Variants in B3GALT1 observed in about 807,000 individuals in gnomAD.
The protein encoded by B3GALT1 is UDP-Gal:betaGlcNAc beta 1,3-galactosyltransferase, polypeptide 1.
In B3GALT1, 10 loss-of-function variants were observed where a neutral mutation model predicts 23.2. The observed-to-expected ratio is 0.43, with a 90% CI of 0.27 to 0.73. B3GALT1 has a LOEUF of 0.73. Ranked by LOEUF, B3GALT1 falls within the 30% of genes least tolerant of loss-of-function variation. The pLI, the probability that B3GALT1 is intolerant of heterozygous loss-of-function variation, is 0.21. For missense variants in B3GALT1, 299 were observed against 405.4 expected (o/e 0.74, Z 2.25); for synonymous variants, 156 against 141.5 (o/e 1.10, Z -0.73).
chr2:167,799,205 T>C (rs1481411700), intron 3 of B3GALT1, among the ~76,000 whole-genome samples: 1 of 152,206 alleles, frequency 6.6e-6, no homozygotes, highest in Non-Finnish European at 1.5e-5. Flanking sequence ...TGTATTTCAA[T>C]AGCTTTAGGG....
chr2:167,869,124 ACTT>A lies in B3GALT1; in HGVS notation c.92_94del (p.Ser31del), dbSNP rs752133140. 30 of 1,613,998 alleles carry A rather than the reference ACTT, an allele frequency of 1.9e-5. No individual in the cohort carries two copies. Among genetic ancestry groups the A allele is most frequent in the Non-Finnish European group, 2.3e-5 (27 of 1,180,040 alleles). On this transcript the variant is annotated inframe_deletion, in exon 5 of 5. Transcript: ENST00000392690. The surrounding 1 kb of genome is among the most constrained non-coding windows in gnomAD (Gnocchi z 6.4). ...CTGGTACTTGAGTATAACTCGCCCT[ACTT>A]CTTCTTACACTGGCTCCAAACCATT... is the stretch of plus-strand genomic sequence containing the variant.
intron 1 of B3GALT1, among the ~76,000 whole-genome samples, chr2:167,479,393 A>C (rs539007028): frequency 1.3e-5 from 2 of 152,324 alleles, no homozygotes; most frequent in East Asian, 3.9e-4. Context: ...TAGGGACCCC[A>C]CAGAACAATC....
intron 3 of B3GALT1, among the ~76,000 whole-genome samples, chr2:167,685,350 C>T (rs944999888): frequency 1.3e-5 from 2 of 152,164 alleles, no homozygotes; most frequent in Non-Finnish European, 2.9e-5. Context: ...ACCTCAGCCT[C>T]CTGAGGAGCT....
chr2:167,817,849 T>C (rs1003592854), intron 3 of B3GALT1, among the ~76,000 whole-genome samples: 4 of 152,218 alleles, frequency 2.6e-5, no homozygotes, highest in Admixed American at 1.3e-4. Context: ...ATCTGATCAA[T>C]AGAAGGCAGG....
At chr2:167,477,370 G>A (rs989198492) in intron 1 of B3GALT1, among the ~76,000 whole-genome samples, 1 of 152,088 alleles carries the variant, frequency 6.6e-6, no homozygotes, top group South Asian at 2.1e-4. Flanking sequence ...GCCACTCCAG[G>A]CCATGCAGTG....
chr2:167,526,588 T>C, intron 2 of B3GALT1, among the ~76,000 whole-genome samples: 1 of 152,236 alleles, frequency 6.6e-6, no homozygotes, highest in East Asian at 1.9e-4. Flanking sequence ...TGTTATGTCA[T>C]TGTGTCATGC....
At chr2:167,455,076 G>T (rs956724484) in intron 1 of B3GALT1, among the ~76,000 whole-genome samples, 1 of 152,152 alleles carries the variant, frequency 6.6e-6, no homozygotes, top group Non-Finnish European at 1.5e-5. Flanking sequence ...TTCCATGTAC[G>T]TAAGTTCAAC....
intron 2 of B3GALT1, among the ~76,000 whole-genome samples, chr2:167,609,535 C>CTA (rs1685022798): frequency 6.6e-6 from 1 of 152,070 alleles, no homozygotes; most frequent in African/African-American, 2.4e-5. Context: ...AGGCTAGTTC[C>CTA]CCTGTGATTT....
chr2:167,681,954 C>G (rs1686538070), intron 3 of B3GALT1, among the ~76,000 whole-genome samples: 1 of 152,192 alleles, frequency 6.6e-6, no homozygotes, highest in African/African-American at 2.4e-5. Context: ...TAAGGCAAAT[C>G]ATATTAAATC....
intron 1 of B3GALT1, among the ~76,000 whole-genome samples, chr2:167,475,121 A>AT (rs1174985315): frequency 5.9e-5 from 9 of 152,280 alleles, no homozygotes; most frequent in African/African-American, 2.2e-4. Context: ...CAGTCCAAAA[A>AT]TATTAAATAG....
At chr2:167,301,805 C>T (rs1696451354) in intron 1 of B3GALT1, among the ~76,000 whole-genome samples, 1 of 152,120 alleles carries the variant, frequency 6.6e-6, no homozygotes. Flanking sequence ...CACCTGGGCC[C>T]CCCAAAGTGT....
At chr2:167,435,017 A>G (rs191381682) in intron 1 of B3GALT1, among the ~76,000 whole-genome samples, 1 of 152,236 alleles carries the variant, frequency 6.6e-6, no homozygotes, top group Non-Finnish European at 1.5e-5. Context: ...TCTTAAAGCA[A>G]AGATACATAA....
chr2:167,320,204 T>C (rs530026389), intron 1 of B3GALT1, among the ~76,000 whole-genome samples: 107 of 151,716 alleles, frequency 7.1e-4, no homozygotes, highest in African/African-American at 2.6e-3. Context: ...TTTTTTTTTT[T>C]CCTGAGATGG....
At chr2:167,500,228 A>G (rs114525855) in intron 2 of B3GALT1, among the ~76,000 whole-genome samples, 3 of 152,188 alleles carry the variant, frequency 2.0e-5, no homozygotes, top group Non-Finnish European at 4.4e-5. Context: ...TCTTAATTGA[A>G]CAAATTGAAA....
chr2:167,457,215 C>T (rs976116847), intron 1 of B3GALT1, among the ~76,000 whole-genome samples: 7 of 152,018 alleles, frequency 4.6e-5, no homozygotes, highest in Non-Finnish European at 1.0e-4. Flanking sequence ...CTTTGTCACC[C>T]AGGCTGGAGT....
intron 1 of B3GALT1, among the ~76,000 whole-genome samples, chr2:167,478,057 C>T (rs1699510751): frequency 6.6e-6 from 1 of 152,146 alleles, no homozygotes; most frequent in Admixed American, 6.5e-5. Context: ...TGAAAATCTG[C>T]TTTGCAATGA....
At chr2:167,525,412 T>G (rs1270511054) in intron 2 of B3GALT1, among the ~76,000 whole-genome samples, 1 of 152,100 alleles carries the variant, frequency 6.6e-6, no homozygotes, top group Non-Finnish European at 1.5e-5. Flanking sequence ...AATATTTTAA[T>G]AAACTTATTT....
At chr2:167,563,274 G>A (rs1299319665) in intron 2 of B3GALT1, among the ~76,000 whole-genome samples, 1 of 145,140 alleles carries the variant, frequency 6.9e-6, no homozygotes, top group African/African-American at 2.7e-5. Context: ...TGGCCGGGCA[G>A]AGGGGCTCCT....
chr2:167,566,951 G>C (rs1342209720), intron 2 of B3GALT1, among the ~76,000 whole-genome samples: 3 of 152,116 alleles, frequency 2.0e-5, no homozygotes. Context: ...ATTTATTAAG[G>C]GTAGAGATTC....
Sources: allele counts gnomAD v4.1 joint callset (sites outside exome capture counted in the v4.1 genomes callset), GRCh38; gene constraint gnomAD v4.1.1; non-coding constraint Gnocchi (gnomAD v3.1); transcripts MANE v1.5; gene names NCBI Gene and HGNC (gene_info 2026-07-23, HGNC 2026-07-21).